CDYL: variants seen among roughly 807,000 people sequenced by gnomAD.
CDYL encodes chromodomain Y like.
In CDYL, 8 loss-of-function variants were observed where a neutral mutation model predicts 47.3. The observed-to-expected ratio is 0.17, with a 90% CI of 0.10 to 0.31. The LOEUF (loss-of-function observed/expected upper bound fraction) is 0.31, where lower values mean the gene tolerates loss of function less well. CDYL is among the 10% of genes least tolerant of loss of function. The pLI, the probability that CDYL is intolerant of heterozygous loss-of-function variation, is 1.00. For missense variants in CDYL, 471 were observed against 701.4 expected, an observed-to-expected ratio of 0.67 and a Z score of 3.71; for synonymous variants, 266 against 265.0, an observed-to-expected ratio of 1.00 and a Z score of -0.04.
Position 4,943,765 on chromosome 6 carries a change from C to CA in CDYL, c.1332+9_1332+10insA. The CA allele has an allele frequency of 6.7e-6, 8 of 1,201,650 alleles. No individual in the cohort carries two copies. Among genetic ancestry groups the CA allele is most frequent in the Non-Finnish European group, 8.9e-6 (8 of 894,990 alleles). The allele number at this position is 1,201,650 out of a possible 1,614,324, so 74.4% of individuals were successfully genotyped here. A position where few individuals can be genotyped will look rare whatever the true frequency, so the allele number is the denominator to read the frequency against. On this transcript the variant is annotated intron_variant, in intron 5 of 6. Transcript: ENST00000397588. ...TAATGGGAGGAGCATCTGTGAGTAC[C>CA]TTTTTAAAAAAAAAAAAAAAAAGTC...
chr6:4,875,627 T>C (rs572449784), intron 1 of CDYL, among the ~76,000 whole-genome samples: 46 of 152,370 alleles, frequency 3.0e-4, no homozygotes, highest in African/African-American at 1.1e-3. Flanking sequence ...TTTGACATCA[T>C]ATCTGTGACT....
chr6:4,723,054 C>T (rs1174067980), intron 2 of CDYL, among the ~76,000 whole-genome samples: 1 of 152,084 alleles, frequency 6.6e-6, no homozygotes, highest in East Asian at 1.9e-4. Context: ...ACAGGCAGCC[C>T]TTCATACCCA....
chr6:4,889,814 A>G (rs908406342), intron 1 of CDYL, among the ~76,000 whole-genome samples: 3 of 152,084 alleles, frequency 2.0e-5, no homozygotes, highest in Non-Finnish European at 4.4e-5. Context: ...CCTTATGTAT[A>G]CTCAGTCTGG....
At chr6:4,867,488 T>A (rs1417599699) in intron 1 of CDYL, among the ~76,000 whole-genome samples, 2 of 152,150 alleles carry the variant, frequency 1.3e-5, no homozygotes, top group East Asian at 3.8e-4. Flanking sequence ...GTTGAGAATG[T>A]TCCCTTTTAT....
At chr6:4,758,351 A>ATATCTATATAT (rs1758108099) in intron 3 of CDYL, among the ~76,000 whole-genome samples, 1 of 129,074 alleles carries the variant, frequency 7.7e-6, no homozygotes, top group African/African-American at 3.1e-5. Context: ...AAAATAAATA[A>ATATCTATATAT]ATATATATAT....
chr6:4,900,964 G>GC (rs1242282576), intron 2 of CDYL, among the ~76,000 whole-genome samples: 2 of 150,560 alleles, frequency 1.3e-5, no homozygotes, highest in African/African-American at 2.4e-5. Flanking sequence ...TAAAGAGAGT[G>GC]CCTAAAAAGA....
At chr6:4,835,128 T>C (rs1468872695) in intron 1 of CDYL, among the ~76,000 whole-genome samples, 1 of 152,198 alleles carries the variant, frequency 6.6e-6, no homozygotes, top group African/African-American at 2.4e-5. Flanking sequence ...CTGCGATCCT[T>C]TGGAGGAGGA....
At chr6:4,869,373 G>C (rs1265847026) in intron 1 of CDYL, among the ~76,000 whole-genome samples, 3 of 152,100 alleles carry the variant, frequency 2.0e-5, no homozygotes, top group Non-Finnish European at 4.4e-5. Flanking sequence ...TGAGACTACA[G>C]GTGTGAGCCA....
intron 2 of CDYL, among the ~76,000 whole-genome samples, chr6:4,734,210 T>C (rs768130200): frequency 6.6e-6 from 1 of 152,244 alleles, no homozygotes; most frequent in African/African-American, 2.4e-5. Context: ...GGTGCCTTTA[T>C]GTAAGTCATG....
chr6:4,775,860 G>A (rs1413530285), upstream of CDYL, among the ~76,000 whole-genome samples: 1 of 150,522 alleles, frequency 6.6e-6, no homozygotes, highest in Non-Finnish European at 1.5e-5. This position sits in a 1 kb window ranked among gnomAD's most constrained non-coding sequence, Gnocchi z 7.0. Context: ...GCGCACGGAG[G>A]CCGCCTCTTG....
At chr6:4,838,940 C>T (rs1470941232) in intron 1 of CDYL, among the ~76,000 whole-genome samples, 1 of 152,134 alleles carries the variant, frequency 6.6e-6, no homozygotes, top group East Asian at 1.9e-4. Flanking sequence ...CCGCCTCGGC[C>T]TTGGGATTAC....
chr6:4,818,424 C>T (rs547736054), intron 1 of CDYL, among the ~76,000 whole-genome samples: 4 of 152,140 alleles, frequency 2.6e-5, no homozygotes, highest in East Asian at 1.9e-4. Context: ...TGTGTTAATG[C>T]GGTGTGAGGT....
intron 1 of CDYL, among the ~76,000 whole-genome samples, chr6:4,844,886 A>G (rs970685758): frequency 6.6e-6 from 1 of 152,204 alleles, no homozygotes; most frequent in South Asian, 2.1e-4. Context: ...TAGAATACCT[A>G]TATTCAACAA....
intron 1 of CDYL, among the ~76,000 whole-genome samples, chr6:4,812,325 T>C (rs1027729992): frequency 2.0e-5 from 3 of 152,314 alleles, no homozygotes; most frequent in Middle Eastern, 3.4e-3. Context: ...CACTTCCCCA[T>C]TGAAGGACAT....
At chr6:4,937,439 T>G (rs1056523866) in intron 3 of CDYL, 126 bp from the exon 4 acceptor site, 3 of 637,076 alleles carry the variant, frequency 4.7e-6, no homozygotes, top group Non-Finnish European at 7.4e-6. Flanking sequence ...GAGAGCACAG[T>G]GAGCCTTGAT....
intron 1 of CDYL, among the ~76,000 whole-genome samples, chr6:4,797,670 A>G (rs1264556005): frequency 1.3e-5 from 2 of 152,260 alleles, no homozygotes; most frequent in Non-Finnish European, 2.9e-5. Flanking sequence ...TATCCTGTAC[A>G]TGTCATATAA....
At chr6:4,763,511 C>CTTGTG (rs79578641) in intron 3 of CDYL, among the ~76,000 whole-genome samples, 26,718 of 151,906 alleles carry the variant, frequency 0.18, 3,217 homozygotes, top group African/African-American at 0.34. Flanking sequence ...TTCTAAGTTT[C>CTTGTG]TTGTCCAGGA....
chr6:4,785,642 T>C (rs575414033), intron 1 of CDYL, among the ~76,000 whole-genome samples: 1 of 152,354 alleles, frequency 6.6e-6, no homozygotes, highest in South Asian at 2.1e-4. Flanking sequence ...CTTTAGTGTA[T>C]CTCAGAACCA....
chr6:4,773,814 A>G (rs1758374891), upstream of CDYL, among the ~76,000 whole-genome samples: 1 of 152,312 alleles, frequency 6.6e-6, no homozygotes, highest in East Asian at 1.9e-4. This position sits in a 1 kb window ranked among gnomAD's most constrained non-coding sequence, Gnocchi z 4.6. Flanking sequence ...TTAATGTTGT[A>G]GACTAAGGAT....
Sources: allele counts gnomAD v4.1 joint callset (sites outside exome capture counted in the v4.1 genomes callset), GRCh38; gene constraint gnomAD v4.1.1; non-coding constraint Gnocchi (gnomAD v3.1); transcripts MANE v1.5; gene names NCBI Gene and HGNC (gene_info 2026-07-23, HGNC 2026-07-21).